The following SPOP variants were observed in gnomAD, a reference collection of about 807,000 sequenced individuals.
The protein encoded by SPOP is speckle-type POZ protein.
In SPOP, 11 loss-of-function variants were observed where a neutral mutation model predicts 45.6. The observed-to-expected ratio is 0.24, with a 90% CI of 0.15 to 0.40. SPOP has a LOEUF of 0.40. Among genes scored for constraint, SPOP ranks in the 10% least tolerant of loss-of-function variants. SPOP has a pLI of 1.00. For synonymous variants in SPOP, 166 were observed against 166.3 expected (o/e 1.00, Z 0.01); for missense variants, 152 against 465.6 (o/e 0.33, Z 6.20).
At chr17:49,623,782 G>A (rs1478698645) in intron 1 of SPOP, among the ~76,000 whole-genome samples, 2 of 151,884 alleles carry the variant, frequency 1.3e-5, no homozygotes, top group African/African-American at 4.8e-5. Flanking sequence ...TCTGTTTTGT[G>A]ATCATTCCTC....
chr17:49,622,599 A>T, intron 2 of SPOP, 134 bp downstream of exon 2: 1 of 736,634 alleles, frequency 1.4e-6, no homozygotes, highest in Non-Finnish European at 2.3e-6. Flanking sequence ...GCTAACAAGT[A>T]TCTTATCTAT....
chr17:49,622,736 T>G lies in SPOP; in HGVS notation c.75A>C (p.Thr25=), dbSNP rs1289358875. 6.2e-7 allele frequency: 1 copy of G among 1,614,018 alleles called. No individual in the cohort carries two copies. Among genetic ancestry groups the G allele is most frequent in the Non-Finnish European group, 8.5e-7 (1 of 1,179,926 alleles). The change falls in exon 2 of 10, where the codon ACA becomes ACC. Residue 25 remains threonine (T), a synonymous_variant. Transcript: ENST00000504102. ...CAGGCTGAAAACTTCAACTTACCTG[T>G]GTGTAGCACCAACTCTCAGCTACGG... ...SGPVAESWCY[T]QIKVVKFSYM...
chr17:49,651,943 C>T (rs1488406176), intron 1 of SPOP, among the ~76,000 whole-genome samples: 1 of 151,882 alleles, frequency 6.6e-6, no homozygotes, highest in Non-Finnish European at 1.5e-5. Context: ...TGCCTGAACC[C>T]AGGAGGCGAA....
chr17:49,622,985 G>T, intron 1 of SPOP, 109 bp from the exon 2 acceptor site: 1 of 584,264 alleles, frequency 1.7e-6, no homozygotes, highest in Non-Finnish European at 3.0e-6. Context: ...TTGTTTGAGT[G>T]GCTCCTTACC....
chr17:49,668,944 T>C (rs1166795071), intron 1 of SPOP, among the ~76,000 whole-genome samples: 2 of 146,020 alleles, frequency 1.4e-5, no homozygotes, highest in African/African-American at 2.5e-5. Flanking sequence ...GCCCAGCTAA[T>C]TTTTTGTATT....
At chr17:49,672,039 T>C (rs763189711) in intron 1 of SPOP, among the ~76,000 whole-genome samples, 16 of 152,002 alleles carry the variant, frequency 1.1e-4, no homozygotes, top group South Asian at 4.2e-4. Context: ...AATTGGAAGG[T>C]TGAGGCACAA....
At chr17:49,602,814 A>T (rs2071764341) in intron 8 of SPOP, among the ~76,000 whole-genome samples, 1 of 152,208 alleles carries the variant, frequency 6.6e-6, no homozygotes, top group African/African-American at 2.4e-5. Context: ...AAAGGGCATA[A>T]ATGTTCTTGA....
chr17:49,669,375 T>A (rs1597987027), intron 1 of SPOP, among the ~76,000 whole-genome samples: 1 of 149,962 alleles, frequency 6.7e-6, no homozygotes, highest in Non-Finnish European at 1.5e-5. Context: ...CCTAAGATAT[T>A]TTTATAATTA....
chr17:49,634,977 G>A (rs549808992), intron 1 of SPOP, among the ~76,000 whole-genome samples: 10 of 152,226 alleles, frequency 6.6e-5, no homozygotes, highest in African/African-American at 2.2e-4. Context: ...GTATTCCCAT[G>A]AGATACTTTT....
chr17:49,598,984 C>T lies in SPOP; in HGVS notation c.*1394G>A, dbSNP rs1383062186. On this transcript the variant is annotated 3_prime_UTR_variant, in exon 10 of 10. Coordinates refer to ENST00000504102, the MANE Select transcript of SPOP (RefSeq NM_001007228.2). ...GGGAGGTGGGGATTAGGTCTTAAAA[C>T]ATACGGGGGGCAGTTTAAAAGCCCA... The T allele has an allele frequency of 5.0e-5, 10 of 199,416 alleles. No individual in the cohort carries two copies. The highest frequency in any genetic ancestry group is 5.2e-5 in the Non-Finnish European group (5 of 96,328). The allele number at this position is 199,416 out of a possible 1,614,324, so 12.4% of individuals were successfully genotyped here.
At chr17:49,633,772 TA>T (rs1567786761) in intron 1 of SPOP, among the ~76,000 whole-genome samples, 1 of 152,246 alleles carries the variant, frequency 6.6e-6, no homozygotes, top group Admixed American at 6.5e-5. Context: ...CCCTGGACCT[TA>T]AAAAGACTTC....
intron 1 of SPOP, among the ~76,000 whole-genome samples, chr17:49,677,593 G>A (rs774139078): frequency 3.9e-5 from 6 of 152,066 alleles, no homozygotes; most frequent in East Asian, 3.9e-4. Flanking sequence ...CGAAGAAGCA[G>A]CCCGAGCGCG....
At chr17:49,622,447 C>A in intron 2 of SPOP, 1 of 522,506 alleles carries the variant, frequency 1.9e-6, no homozygotes, top group Non-Finnish European at 3.5e-6. Context: ...AAACTTGTTT[C>A]CCCAACAGAG....
intron 1 of SPOP, among the ~76,000 whole-genome samples, chr17:49,654,194 C>G (rs2072877950): frequency 6.6e-6 from 1 of 152,216 alleles, no homozygotes; most frequent in Non-Finnish European, 1.5e-5. Flanking sequence ...GGACAGTGCA[C>G]AATTCCAGAG....
intron 1 of SPOP, among the ~76,000 whole-genome samples, chr17:49,666,052 T>C (rs1234121019): frequency 6.6e-6 from 1 of 150,960 alleles, no homozygotes; most frequent in East Asian, 1.9e-4. Context: ...ACTTGCCCTA[T>C]CAAATATAAA....
chr17:49,660,114 A>T (rs566945644), intron 1 of SPOP, among the ~76,000 whole-genome samples: 15 of 152,354 alleles, frequency 9.8e-5, no homozygotes, highest in Non-Finnish European at 2.1e-4. Context: ...GGTGATTCTA[A>T]CAAACAGCTA....
At chr17:49,664,811 T>C (rs986039000) in intron 1 of SPOP, among the ~76,000 whole-genome samples, 2 of 152,274 alleles carry the variant, frequency 1.3e-5, no homozygotes, top group African/African-American at 2.4e-5. Context: ...CTAAAGCCTA[T>C]TTACAGCAGA....
At chr17:49,659,593 G>A (rs1443707752) in intron 1 of SPOP, among the ~76,000 whole-genome samples, 2 of 152,130 alleles carry the variant, frequency 1.3e-5, no homozygotes, top group African/African-American at 4.8e-5. Context: ...GAGTAGGCTA[G>A]TTTCCATATC....
chr17:49,647,951 A>G (rs920367837), intron 1 of SPOP, among the ~76,000 whole-genome samples: 1 of 152,200 alleles, frequency 6.6e-6, no homozygotes, highest in Non-Finnish European at 1.5e-5. Flanking sequence ...CTTTGCCACA[A>G]GCTTACAGAA....
Sources: gnomAD v4.1 joint callset for allele counts (sites outside exome capture counted in the v4.1 genomes callset) on GRCh38, gnomAD v4.1.1 for gene constraint, MANE v1.5 for transcripts, NCBI Gene and HGNC (gene_info 2026-07-23, HGNC 2026-07-21) for gene names.